Variants in ANKRD30BL observed in about 807,000 individuals in gnomAD.
ANKRD30BL encodes ankyrin repeat domain 30B like, also known as putative ankyrin repeat domain-containing protein 30B-like.
A neutral mutation model predicts 18.4 loss-of-function variants in ANKRD30BL; 20 were observed. The ratio of observed to expected loss-of-function variants is 1.09; its 90% CI spans 0.77 to 1.58. ANKRD30BL has a LOEUF of 1.58. Ranked by LOEUF, ANKRD30BL falls within the 40% of genes most tolerant of loss-of-function variation. The pLI is 0.00. For missense variants in ANKRD30BL, 224 were observed against 268.6 expected, an observed-to-expected ratio of 0.83 and a Z score of 1.16; for synonymous variants, 72 against 100.9, an observed-to-expected ratio of 0.71 and a Z score of 1.72.
intron 1 of ANKRD30BL, among the ~76,000 whole-genome samples, chr2:132,169,542 G>A (rs1403919517): frequency 6.6e-6 from 1 of 151,368 alleles, no homozygotes; most frequent in African/African-American, 2.4e-5. Context: ...ATCTATTCAG[G>A]AGGCTGAGGC....
At chr2:132,187,343 C>T (rs375337957) in intron 1 of ANKRD30BL, among the ~76,000 whole-genome samples, 589 of 151,514 alleles carry the variant, frequency 3.9e-3, no homozygotes, top group Non-Finnish European at 5.9e-3. Flanking sequence ...TACAGACATG[C>T]GCCGACATGC....
chr2:132,235,492 T>C (rs2104787962), intron 1 of ANKRD30BL, among the ~76,000 whole-genome samples: 1 of 152,228 alleles, frequency 6.6e-6, no homozygotes, highest in East Asian at 1.9e-4. Context: ...CAGCAAAGTC[T>C]CAGGATACAA....
intron 1 of ANKRD30BL, among the ~76,000 whole-genome samples, chr2:132,239,063 C>A (rs1208671464): frequency 6.6e-6 from 1 of 152,112 alleles, no homozygotes; most frequent in African/African-American, 2.4e-5. Context: ...TTGAAACACT[C>A]CTTTTGTAGT....
intron 3 of ANKRD30BL, chr2:132,155,402 A>G (rs1236288807): frequency 6.6e-6 from 1 of 152,184 alleles, no homozygotes; most frequent in Admixed American, 6.5e-5. Context: ...TCTGGCTGAT[A>G]CAAACTCACT....
chr2:132,214,143 G>A (rs561154304), intron 1 of ANKRD30BL, among the ~76,000 whole-genome samples: 1 of 152,032 alleles, frequency 6.6e-6, no homozygotes, highest in Non-Finnish European at 1.5e-5. Context: ...GACCTATGGT[G>A]GAAAAGGAAA....
At chr2:132,176,675 C>T (rs1278610705) in intron 1 of ANKRD30BL, among the ~76,000 whole-genome samples, 1 of 152,126 alleles carries the variant, frequency 6.6e-6, no homozygotes, top group Non-Finnish European at 1.5e-5. Flanking sequence ...CCTGTGATCC[C>T]AGATACTCGG....
intron 4 of ANKRD30BL, 63 bp from the exon 5 acceptor site, chr2:132,151,039 A>G (rs1330300116): frequency 4.1e-5 from 21 of 510,034 alleles, no homozygotes; most frequent in South Asian, 2.5e-4. Context: ...AATATTTACC[A>G]AATTTATTAC....
At chr2:132,164,730 T>C (rs1484679026), upstream of ANKRD30BL, among the ~76,000 whole-genome samples, 1 of 152,194 alleles carries the variant, frequency 6.6e-6, no homozygotes, top group Non-Finnish European at 1.5e-5. Flanking sequence ...TACTTTGTTG[T>C]TGTTGTTGTT....
Position 132,210,179 on chromosome 2 carries a change from T to C in ANKRD30BL, n.441+47350A>G, listed in dbSNP as rs535959228. On this transcript the variant is annotated intron_variant and non_coding_transcript_variant, in intron 1 of 4. Coordinates refer to the ANKRD30BL transcript ENST00000470729. The stretch of plus-strand genomic sequence containing the variant: ...GATATTTGGAGCGCTTTGCGGCCTA[T>C]AGTGGAAACGGAAATATCTTCACAT... Among the ~76,000 whole-genome samples, 3 of 151,940 alleles carry C rather than the reference T, an allele frequency of 2.0e-5. No homozygotes were observed. In the South Asian group the frequency reaches 6.2e-4, roughly 32 times the overall value.
chr2:132,178,092 T>C (rs1011917031), intron 1 of ANKRD30BL, among the ~76,000 whole-genome samples: 2 of 152,170 alleles, frequency 1.3e-5, no homozygotes, highest in East Asian at 1.9e-4. Context: ...AAAAGAACAG[T>C]TAATCGGTGA....
chr2:132,203,909 T>C (rs184598487), intron 1 of ANKRD30BL, among the ~76,000 whole-genome samples: 1 of 152,248 alleles, frequency 6.6e-6, no homozygotes, highest in Admixed American at 6.5e-5. Flanking sequence ...TGGCTTGTAA[T>C]CTTGTACTTT....
At chr2:132,174,503 T>TA (rs201946068) in intron 1 of ANKRD30BL, among the ~76,000 whole-genome samples, 12 of 151,144 alleles carry the variant, frequency 7.9e-5, no homozygotes, top group South Asian at 4.2e-4. Context: ...GATCAGCAAT[T>TA]AAAAAAAAAT....
intron 1 of ANKRD30BL, among the ~76,000 whole-genome samples, chr2:132,231,712 C>T (rs1680021455): frequency 6.6e-6 from 1 of 152,136 alleles, no homozygotes; most frequent in Non-Finnish European, 1.5e-5. Flanking sequence ...TCGCTGATTG[C>T]TAGCACAGCA....
chr2:132,208,300 TC>T (rs1317081414), intron 1 of ANKRD30BL, among the ~76,000 whole-genome samples: 2 of 152,168 alleles, frequency 1.3e-5, no homozygotes, highest in Non-Finnish European at 2.9e-5. Context: ...CTAACAGTTT[TC>T]CTTTCCCTAT....
intron 1 of ANKRD30BL, among the ~76,000 whole-genome samples, chr2:132,179,842 TAA>T (rs1688431848): frequency 1.3e-5 from 2 of 152,044 alleles, no homozygotes; most frequent in African/African-American, 4.8e-5. Context: ...TTTGTTTTTA[TAA>T]AAGAGTTAAA....
intron 1 of ANKRD30BL, among the ~76,000 whole-genome samples, chr2:132,158,409 A>T (rs1488360879): frequency 6.6e-6 from 1 of 151,950 alleles, no homozygotes; most frequent in Non-Finnish European, 1.5e-5. Flanking sequence ...TTACTATTTA[A>T]AGCTGTTATA....
At chr2:132,239,234 CTT>C (rs751893706) in intron 1 of ANKRD30BL, among the ~76,000 whole-genome samples, 1 of 151,594 alleles carries the variant, frequency 6.6e-6, no homozygotes, top group Admixed American at 6.6e-5. Context: ...TTGAAACACT[CTT>C]TGTAGAATTT....
chr2:132,188,294 C>G (rs1310847784), intron 1 of ANKRD30BL, among the ~76,000 whole-genome samples: 1 of 152,116 alleles, frequency 6.6e-6, no homozygotes, highest in African/African-American at 2.4e-5. Flanking sequence ...TCAGTGAACA[C>G]CAAAAGCCAA....
At chr2:132,243,152 A>G (rs573574254) in intron 1 of ANKRD30BL, among the ~76,000 whole-genome samples, 5 of 151,760 alleles carry the variant, frequency 3.3e-5, no homozygotes, top group South Asian at 4.1e-4. Flanking sequence ...CAGATTGGAA[A>G]AACTCTTTTG....
Sources: allele counts gnomAD v4.1 joint callset (sites outside exome capture counted in the v4.1 genomes callset), GRCh38; gene constraint gnomAD v4.1.1; transcripts MANE v1.5; gene names NCBI Gene and HGNC (gene_info 2026-07-23, HGNC 2026-07-21).